LIPC: variants seen among roughly 807,000 people sequenced by gnomAD.
LIPC encodes lipase C, hepatic type, also known as hepatic triacylglycerol lipase.
Under a neutral mutation model 50.7 loss-of-function variants are expected in LIPC, and 44 were observed. The observed-to-expected ratio is 0.87, with a 90% CI of 0.68 to 1.11. The LOEUF (loss-of-function observed/expected upper bound fraction) is 1.11, where lower values mean the gene tolerates loss of function less well. Ranked by LOEUF, LIPC falls within the 50% of genes most tolerant of loss-of-function variation. The pLI is 0.00. For synonymous variants in LIPC, 271 were observed against 256.4 expected (o/e 1.06, Z -0.54); for missense variants, 697 against 648.2 (o/e 1.08, Z -0.82).
chr15:58,443,548 T>C (rs1289674151), intron 1 of LIPC, among the ~76,000 whole-genome samples: 1 of 152,228 alleles, frequency 6.6e-6, no homozygotes, highest in Non-Finnish European at 1.5e-5. Flanking sequence ...GCTGAAGCTT[T>C]TTCCTCCATC....
intron 1 of LIPC, among the ~76,000 whole-genome samples, chr15:58,509,245 G>A (rs1233918116): frequency 2.0e-5 from 3 of 152,162 alleles, no homozygotes; most frequent in Admixed American, 2.0e-4. Flanking sequence ...CTCAGATGAT[G>A]AGCCACTTTC....
At chr15:58,512,429 T>G (rs1466573987) in intron 1 of LIPC, among the ~76,000 whole-genome samples, 1 of 152,202 alleles carries the variant, frequency 6.6e-6, no homozygotes, top group Non-Finnish European at 1.5e-5. Context: ...CTACAATGTT[T>G]TATTTTGCTT....
At chr15:58,493,479 A>C (rs200049146) in intron 1 of LIPC, among the ~76,000 whole-genome samples, 8 of 93,894 alleles carry the variant, frequency 8.5e-5, no homozygotes, top group Admixed American at 8.1e-4. Flanking sequence ...AAATATATAT[A>C]TATTTTTTTG....
intron 1 of LIPC, among the ~76,000 whole-genome samples, chr15:58,512,552 G>A (rs1892361661): frequency 6.6e-6 from 1 of 152,182 alleles, no homozygotes; most frequent in Admixed American, 6.5e-5. Context: ...GGGCCGGCTG[G>A]GTCTGCGAGA....
chr15:58,444,141 T>G (rs1893604020), intron 1 of LIPC, among the ~76,000 whole-genome samples: 1 of 152,184 alleles, frequency 6.6e-6, no homozygotes, highest in Non-Finnish European at 1.5e-5. Flanking sequence ...CTAGGAATTA[T>G]TCCACAGTTG....
intron 1 of LIPC, among the ~76,000 whole-genome samples, chr15:58,530,251 A>G (rs1892917391): frequency 6.6e-6 from 1 of 152,208 alleles, no homozygotes; most frequent in Admixed American, 6.5e-5. Context: ...TCCGGCCTGA[A>G]GGAATCAGGG....
At chr15:58,513,472 C>T (rs542710311) in intron 1 of LIPC, among the ~76,000 whole-genome samples, 1 of 152,304 alleles carries the variant, frequency 6.6e-6, no homozygotes, top group East Asian at 1.9e-4. Context: ...CTCTGGGCTG[C>T]AGAAAGCAGA....
intron 1 of LIPC, among the ~76,000 whole-genome samples, chr15:58,488,054 C>A (rs559511116): frequency 4.6e-5 from 7 of 152,194 alleles, no homozygotes; most frequent in African/African-American, 1.7e-4. Context: ...GTGGATCCCT[C>A]GAGGTCAGGA....
intron 1 of LIPC, among the ~76,000 whole-genome samples, chr15:58,444,680 A>T (rs1893628279): frequency 6.6e-6 from 1 of 152,150 alleles, no homozygotes; most frequent in South Asian, 2.1e-4. Context: ...TATTGGATTA[A>T]GGCCCACCCC....
chr15:58,446,101 G>C lies in LIPC; in HGVS notation c.88+13981G>C, dbSNP rs142214226. On this transcript the variant is annotated intron_variant, in intron 1 of 8. Transcript: ENST00000299022. ...GTGTGTGACTTGTAAAACCAGTTGAGATAAGAGGGGGAAAGGAAGAGAGAA... is the reference window on the plus strand; with the variant it reads ...GTGTGTGACTTGTAAAACCAGTTGACATAAGAGGGGGAAAGGAAGAGAGAA... 1.3e-3 allele frequency among the ~76,000 whole-genome samples: 199 copies of C among 152,302 alleles called. 1 individual carries two copies. Among genetic ancestry groups the C allele is most frequent in the African/African-American group, 4.6e-3 (193 of 41,562 alleles).
intron 8 of LIPC, among the ~76,000 whole-genome samples, chr15:58,567,345 GTA>G (rs112052257): frequency 0.028 from 531 of 18,818 alleles, 10 homozygotes; most frequent in African/African-American, 0.096. Context: ...ATATGTATAT[GTA>G]TATATATATA....
chr15:58,434,074 G>A (rs1300641359), intron 1 of LIPC, among the ~76,000 whole-genome samples: 1 of 152,154 alleles, frequency 6.6e-6, no homozygotes, highest in East Asian at 1.9e-4. Flanking sequence ...GACATTTTTG[G>A]TTTTTGGTTG....
intron 5 of LIPC, among the ~76,000 whole-genome samples, chr15:58,547,984 T>C (rs1208105348): frequency 6.6e-6 from 1 of 152,220 alleles, no homozygotes; most frequent in African/African-American, 2.4e-5. Flanking sequence ...AATATTTCTA[T>C]AATAAATTAC....
chr15:58,565,905 G>T, intron 8 of LIPC: 1 of 917,410 alleles, frequency 1.1e-6, no homozygotes, highest in Non-Finnish European at 1.2e-6. Context: ...AGGTACTATC[G>T]GAGAATACAA....
At chr15:58,505,085 T>A (rs2140845177) in intron 1 of LIPC, among the ~76,000 whole-genome samples, 1 of 152,268 alleles carries the variant, frequency 6.6e-6, no homozygotes, top group African/African-American at 2.4e-5. Context: ...ACAGCACAGG[T>A]CCCCAGTTTT....
intron 1 of LIPC, among the ~76,000 whole-genome samples, chr15:58,474,629 T>G (rs1890929191): frequency 6.6e-6 from 1 of 152,156 alleles, no homozygotes; most frequent in South Asian, 2.1e-4. Context: ...CTCCCCTACG[T>G]TGAGCCCAAA....
At chr15:58,510,675 C>A (rs1455375853) in intron 1 of LIPC, among the ~76,000 whole-genome samples, 4 of 152,328 alleles carry the variant, frequency 2.6e-5, no homozygotes, top group Non-Finnish European at 5.9e-5. Flanking sequence ...GCACTGTGAC[C>A]AATTCACATA....
At chr15:58,502,505 T>C (rs1246767266) in intron 1 of LIPC, among the ~76,000 whole-genome samples, 4 of 29,266 alleles carry the variant, frequency 1.4e-4, no homozygotes, top group African/African-American at 3.9e-4. Context: ...CCATGTAATT[T>C]TCTCTTTTTT....
chr15:58,545,207 A>G (rs906407404), intron 4 of LIPC, among the ~76,000 whole-genome samples: 1 of 152,160 alleles, frequency 6.6e-6, no homozygotes, highest in African/African-American at 2.4e-5. Context: ...GATTTGCTCA[A>G]GTAAATCAAG....
Sources: gnomAD v4.1 joint callset for allele counts (sites outside exome capture counted in the v4.1 genomes callset) on GRCh38, gnomAD v4.1.1 for gene constraint, MANE v1.5 for transcripts, NCBI Gene and HGNC (gene_info 2026-07-23, HGNC 2026-07-21) for gene names.